Variants in CACNA2D1 observed in about 807,000 individuals in gnomAD.
The protein encoded by CACNA2D1 is voltage-dependent calcium channel subunit alpha-2/delta-1.
In CACNA2D1, 53 loss-of-function variants were observed where a neutral mutation model predicts 171.5. That is an observed-to-expected ratio of 0.31 (90% CI 0.25 to 0.39). The LOEUF (loss-of-function observed/expected upper bound fraction) is 0.39, where lower values mean the gene tolerates loss of function less well. Among genes scored for constraint, CACNA2D1 ranks in the 10% least tolerant of loss-of-function variants. The pLI is 1.00. For synonymous variants in CACNA2D1, 442 were observed against 443.1 expected (o/e 1.00, Z 0.03); for missense variants, 903 against 1,299.8 (o/e 0.69, Z 4.69).
Position 82,434,249 on chromosome 7 carries a change from A to C in CACNA2D1, c.95+9116T>G, listed in dbSNP as rs1430481864. ...CATCCAGCTCCACTACCATTTAAAAATATTTCTCTTTTTGGTTTAAGATAG... is the reference window on the plus strand; with the variant it reads ...CATCCAGCTCCACTACCATTTAAAACTATTTCTCTTTTTGGTTTAAGATAG... On this transcript the variant is annotated intron_variant, in intron 1 of 38. Coordinates refer to ENST00000356860, the MANE Select transcript of CACNA2D1 (RefSeq NM_000722.4). 2.6e-5 allele frequency among the ~76,000 whole-genome samples: 4 copies of C among 152,214 alleles called. No individual in the cohort carries two copies. In the South Asian group the frequency reaches 8.3e-4, roughly 32 times the overall value.
chr7:82,125,834 GCATT>G (rs1306841623), intron 5 of CACNA2D1, among the ~76,000 whole-genome samples: 1 of 152,114 alleles, frequency 6.6e-6, no homozygotes, highest in African/African-American at 2.4e-5. Flanking sequence ...TTTTGTGCAT[GCATT>G]ATCTTAAGGT....
intron 7 of CACNA2D1, among the ~76,000 whole-genome samples, chr7:82,082,164 C>T (rs1809869936): frequency 6.6e-6 from 1 of 152,174 alleles, no homozygotes; most frequent in African/African-American, 2.4e-5. Flanking sequence ...CTGGCTCAGC[C>T]CTGCCACTGC....
chr7:81,976,571 G>C (rs1795867098), intron 24 of CACNA2D1, among the ~76,000 whole-genome samples: 1 of 152,154 alleles, frequency 6.6e-6, no homozygotes, highest in African/African-American at 2.4e-5. Context: ...AGGATTGCTT[G>C]TGGCTGGGCA....
intron 25 of CACNA2D1, among the ~76,000 whole-genome samples, chr7:81,972,389 T>C (rs1414901529): frequency 6.6e-6 from 1 of 151,870 alleles, no homozygotes; most frequent in Non-Finnish European, 1.5e-5. Context: ...CTATCACAAA[T>C]ATCAAAACAT....
At chr7:82,263,884 T>C (rs1018556781) in intron 3 of CACNA2D1, among the ~76,000 whole-genome samples, 17 of 152,032 alleles carry the variant, frequency 1.1e-4, no homozygotes, top group Admixed American at 2.0e-4. Flanking sequence ...CATGCTACAA[T>C]ATGTTTTTTC....
intron 11 of CACNA2D1, among the ~76,000 whole-genome samples, chr7:82,034,112 T>C (rs10231240): frequency 0.2 from 30,343 of 151,988 alleles, 3,305 homozygotes; most frequent in African/African-American, 0.3. Context: ...TACAGCTTTT[T>C]CTTCCATAAG....
intron 3 of CACNA2D1, among the ~76,000 whole-genome samples, chr7:82,259,012 A>C (rs1806718184): frequency 6.6e-6 from 1 of 152,052 alleles, no homozygotes; most frequent in Non-Finnish European, 1.5e-5. Context: ...TATTTTTAGT[A>C]AAGACAAAGT....
At chr7:82,316,433 A>C (rs1338594738) in intron 3 of CACNA2D1, among the ~76,000 whole-genome samples, 1 of 152,102 alleles carries the variant, frequency 6.6e-6, no homozygotes, top group Non-Finnish European at 1.5e-5. Context: ...GCCAGTTCTA[A>C]CTCTAATTCT....
intron 1 of CACNA2D1, among the ~76,000 whole-genome samples, chr7:82,385,264 G>C (rs4732451): frequency 0.58 from 88,293 of 152,180 alleles, 27,771 homozygotes; most frequent in African/African-American, 0.85. Context: ...AGTTCAGAAT[G>C]TCAAATTGAA....
chr7:81,946,965 T>A lies in CACNA2D1; in HGVS notation c.*3427A>T, dbSNP rs760642438. On this transcript the variant is annotated 3_prime_UTR_variant, in exon 39 of 39. Coordinates refer to ENST00000356860, the MANE Select transcript of CACNA2D1 (RefSeq NM_000722.4). ...CTATGGGAAACAATACAAGTTTAGA[T>A]GAAAAAATATTTAAAATTTTGGGCA... is the stretch of plus-strand genomic sequence containing the variant. 4 of 152,046 alleles carry A rather than the reference T, an allele frequency of 2.6e-5. No individual in the cohort carries two copies. Among genetic ancestry groups the A allele is most frequent in the Non-Finnish European group, 5.9e-5 (4 of 67,974 alleles). 9.4% of individuals were successfully genotyped at this position (152,046 alleles called of 1,614,324 possible). A position where few individuals can be genotyped will look rare whatever the true frequency, so the allele number is the denominator to read the frequency against.
At chr7:82,061,899 C>T (rs1247960555) in intron 9 of CACNA2D1, among the ~76,000 whole-genome samples, 1 of 152,044 alleles carries the variant, frequency 6.6e-6, no homozygotes. Flanking sequence ...GGACCATCTG[C>T]TAGAAATGCA....
intron 38 of CACNA2D1, among the ~76,000 whole-genome samples, chr7:81,951,477 T>G (rs1419743716): frequency 6.6e-6 from 1 of 152,062 alleles, no homozygotes; most frequent in Non-Finnish European, 1.5e-5. Context: ...ACCGAATGTA[T>G]GTAGTACTTT....
intron 3 of CACNA2D1, among the ~76,000 whole-genome samples, chr7:82,292,355 G>C (rs1585367584): frequency 2.0e-5 from 3 of 152,240 alleles, no homozygotes; most frequent in African/African-American, 7.2e-5. Flanking sequence ...GCTGACATCA[G>C]TAATTGCCTT....
At chr7:82,109,083 A>T (rs1232754691) in intron 6 of CACNA2D1, among the ~76,000 whole-genome samples, 1 of 152,166 alleles carries the variant, frequency 6.6e-6, no homozygotes, top group Non-Finnish European at 1.5e-5. Flanking sequence ...TCTTTAAAAG[A>T]AAAAAGGAAA....
intron 1 of CACNA2D1, chr7:82,410,441 C>T: frequency 1.2e-6 from 1 of 838,896 alleles, no homozygotes; most frequent in Non-Finnish European, 1.4e-6. Flanking sequence ...ATCTTTCATT[C>T]TGATTGGCTT....
intron 4 of CACNA2D1, among the ~76,000 whole-genome samples, chr7:82,145,987 C>T (rs1010871967): frequency 5.3e-5 from 8 of 151,798 alleles, no homozygotes; most frequent in African/African-American, 9.7e-5. Context: ...CGGTATTTTC[C>T]GTTGCATAAT....
chr7:82,062,239 T>C (rs962374653), intron 9 of CACNA2D1, among the ~76,000 whole-genome samples: 7 of 152,134 alleles, frequency 4.6e-5, no homozygotes, highest in African/African-American at 1.7e-4. Context: ...GAGGCAACCA[T>C]GTCAGATTTG....
chr7:82,288,075 C>T (rs1056426178), intron 3 of CACNA2D1, among the ~76,000 whole-genome samples: 1 of 151,024 alleles, frequency 6.6e-6, no homozygotes, highest in Non-Finnish European at 1.5e-5. Context: ...CTCCTGACCT[C>T]GTGATCTGCC....
intron 3 of CACNA2D1, among the ~76,000 whole-genome samples, chr7:82,228,581 T>G (rs1421499896): frequency 6.6e-6 from 1 of 152,146 alleles, no homozygotes; most frequent in East Asian, 1.9e-4. Context: ...ATTGTATGCC[T>G]GTGATTGTAT....
Sources: gnomAD v4.1 joint callset for allele counts (sites outside exome capture counted in the v4.1 genomes callset) on GRCh38, gnomAD v4.1.1 for gene constraint, MANE v1.5 for transcripts, NCBI Gene and HGNC (gene_info 2026-07-23, HGNC 2026-07-21) for gene names.